The following EFNA5 variants were observed in gnomAD, a reference collection of about 807,000 sequenced individuals.
EFNA5 encodes the protein ephrin-A5.
Under a neutral mutation model 22.9 loss-of-function variants are expected in EFNA5, and 5 were observed. The observed-to-expected ratio is 0.22, with a 90% CI of 0.11 to 0.46. The LOEUF is 0.46. Among genes scored for constraint, EFNA5 ranks in the 20% least tolerant of loss-of-function variants. The probability of loss-of-function intolerance (pLI) is 0.99; values close to 1 mark genes in which losing one functional copy is unlikely to be tolerated. For missense variants in EFNA5, 237 were observed against 293.3 expected, an observed-to-expected ratio of 0.81 and a Z score of 1.40; for synonymous variants, 113 against 112.2, an observed-to-expected ratio of 1.01 and a Z score of -0.04.
chr5:107,600,377 A>G (rs996494522), intron 1 of EFNA5, among the ~76,000 whole-genome samples: 1 of 152,224 alleles, frequency 6.6e-6, no homozygotes, highest in Non-Finnish European at 1.5e-5. Flanking sequence ...TAAGAAGAGG[A>G]ACTGTTGGCC....
chr5:107,579,482 A>G (rs746552961), intron 1 of EFNA5, among the ~76,000 whole-genome samples: 17 of 152,112 alleles, frequency 1.1e-4, no homozygotes, highest in Non-Finnish European at 2.2e-4. Flanking sequence ...TTAGAACTGC[A>G]TGACAGACAA....
intron 1 of EFNA5, among the ~76,000 whole-genome samples, chr5:107,469,743 G>C (rs1750088876): frequency 6.6e-6 from 1 of 151,908 alleles, no homozygotes; most frequent in South Asian, 2.1e-4. Context: ...TGTGCATTGT[G>C]GCTTAATCTC....
intron 1 of EFNA5, among the ~76,000 whole-genome samples, chr5:107,560,754 C>T (rs1489105625): frequency 6.6e-6 from 1 of 152,188 alleles, no homozygotes; most frequent in South Asian, 2.1e-4. Flanking sequence ...CCCTCCATAT[C>T]GTACTGCAGG....
chr5:107,471,488 C>T (rs1229957635), intron 1 of EFNA5, among the ~76,000 whole-genome samples: 1 of 152,158 alleles, frequency 6.6e-6, no homozygotes, highest in Admixed American at 6.5e-5. Flanking sequence ...GTCCCAGTAA[C>T]ATTTTATATT....
chr5:107,467,332 GA>G (rs1167152242), intron 1 of EFNA5, among the ~76,000 whole-genome samples: 3 of 150,990 alleles, frequency 2.0e-5, no homozygotes, highest in Non-Finnish European at 3.0e-5. Context: ...AAGCAGTCAA[GA>G]AAAAAAAAGT....
At chr5:107,601,098 T>C (rs1346452191) in intron 1 of EFNA5, among the ~76,000 whole-genome samples, 1 of 152,232 alleles carries the variant, frequency 6.6e-6, no homozygotes, top group South Asian at 2.1e-4. Context: ...CTAGATGAGA[T>C]ACATGCTGAA....
intron 1 of EFNA5, among the ~76,000 whole-genome samples, chr5:107,434,197 T>C (rs1749049015): frequency 6.6e-6 from 1 of 152,226 alleles, no homozygotes; most frequent in African/African-American, 2.4e-5. Context: ...GGTCCTTTAC[T>C]AGTCTCAAGT....
At position 107,616,041 on chromosome 5, in the gene EFNA5, G is replaced by A. The variant is rs186992259; in HGVS notation, c.125+54448C>T. ...TTTTAAGCAGGGGGTTAGAGAGACA[G>A]AAAAACTATGTTTGGATTTAATAAG... On this transcript the variant is annotated intron_variant, in intron 1 of 4. Transcript: ENST00000333274. Among the ~76,000 whole-genome samples the A allele has an allele frequency of 1.1e-3, 162 of 152,278 alleles. 1 individual carries two copies. Among genetic ancestry groups the A allele is most frequent in the Non-Finnish European group, 1.8e-3 (125 of 68,014 alleles).
intron 1 of EFNA5, among the ~76,000 whole-genome samples, chr5:107,650,183 A>T (rs545741922): frequency 3.7e-4 from 56 of 152,348 alleles, no homozygotes; most frequent in African/African-American, 1.3e-3. Flanking sequence ...CAGAGGTACA[A>T]ACAGCTATGC....
intron 1 of EFNA5, among the ~76,000 whole-genome samples, chr5:107,626,928 C>T (rs1262227763): frequency 1.3e-5 from 2 of 152,148 alleles, no homozygotes; most frequent in African/African-American, 4.8e-5. Flanking sequence ...CAAACCAAAG[C>T]TGTGGAACTA....
chr5:107,530,029 A>T (rs1422772855), intron 1 of EFNA5, among the ~76,000 whole-genome samples: 1 of 152,254 alleles, frequency 6.6e-6, no homozygotes, highest in Non-Finnish European at 1.5e-5. Flanking sequence ...GTTAGGATTT[A>T]TTACAGATAT....
chr5:107,468,093 C>T (rs1750040836), intron 1 of EFNA5, among the ~76,000 whole-genome samples: 1 of 152,132 alleles, frequency 6.6e-6, no homozygotes, highest in Non-Finnish European at 1.5e-5. Flanking sequence ...AAGCCATATA[C>T]CATTCTTTTT....
chr5:107,478,231 C>T (rs1017150432), intron 1 of EFNA5, among the ~76,000 whole-genome samples: 2 of 152,100 alleles, frequency 1.3e-5, no homozygotes, highest in African/African-American at 4.8e-5. Flanking sequence ...CAGACTTCTA[C>T]GGAGAAAGAG....
At chr5:107,644,229 G>A (rs541949569) in intron 1 of EFNA5, among the ~76,000 whole-genome samples, 95 of 152,094 alleles carry the variant, frequency 6.2e-4, no homozygotes, top group Non-Finnish European at 8.7e-4. Flanking sequence ...TAAATCCGTC[G>A]TCGTCATCCT....
chr5:107,631,241 T>C (rs1219936716), intron 1 of EFNA5, among the ~76,000 whole-genome samples: 11 of 146,148 alleles, frequency 7.5e-5, no homozygotes, highest in Admixed American at 3.5e-4. Flanking sequence ...CATTGTTACA[T>C]AGGGCCTGAC....
chr5:107,491,025 T>A (rs1400133126), intron 1 of EFNA5, among the ~76,000 whole-genome samples: 1 of 152,244 alleles, frequency 6.6e-6, no homozygotes, highest in East Asian at 1.9e-4. Context: ...AGAACACATT[T>A]TACATTTATT....
intron 1 of EFNA5, among the ~76,000 whole-genome samples, chr5:107,558,924 G>C (rs1748477012): frequency 6.6e-6 from 1 of 152,192 alleles, no homozygotes; most frequent in Admixed American, 6.5e-5. Context: ...TTTACATGAG[G>C]TTTTTGTTGT....
At chr5:107,426,650 G>A (rs747921558) in intron 2 of EFNA5, among the ~76,000 whole-genome samples, 5 of 152,170 alleles carry the variant, frequency 3.3e-5, no homozygotes, top group Admixed American at 2.0e-4. Flanking sequence ...TCGGAAACTC[G>A]CTCATACCAG....
intron 1 of EFNA5, among the ~76,000 whole-genome samples, chr5:107,538,853 G>A (rs1747982070): frequency 6.6e-6 from 1 of 152,224 alleles, no homozygotes; most frequent in Non-Finnish European, 1.5e-5. Flanking sequence ...AGGAGAATGT[G>A]TACCTTTCTA....
Sources: allele counts gnomAD v4.1 joint callset (sites outside exome capture counted in the v4.1 genomes callset), GRCh38; gene constraint gnomAD v4.1.1; transcripts MANE v1.5; gene names NCBI Gene and HGNC (gene_info 2026-07-23, HGNC 2026-07-21).